The following ALPK2 variants were observed in gnomAD, a reference collection of about 807,000 sequenced individuals.
The protein encoded by ALPK2 is alpha-protein kinase 2.
Under a neutral mutation model 163.1 loss-of-function variants are expected in ALPK2, and 127 were observed. The ratio of observed to expected loss-of-function variants is 0.78; its 90% confidence interval spans 0.67 to 0.90. The LOEUF is 0.90. Among genes scored for constraint, ALPK2 ranks in the 40% least tolerant of loss-of-function variants. The probability of loss-of-function intolerance (pLI) is 0.00; values close to 1 mark genes in which losing one functional copy is unlikely to be tolerated. For missense variants in ALPK2, 2,360 were observed against 2,589.6 expected (o/e 0.91, Z 1.92); for synonymous variants, 953 against 959.1 (o/e 0.99, Z 0.12).
intron 1 of ALPK2, among the ~76,000 whole-genome samples, chr18:58,619,299 T>C (rs934274269): frequency 6.7e-6 from 1 of 150,042 alleles, no homozygotes; most frequent in African/African-American, 2.5e-5. Context: ...GCTAATGACT[T>C]GGAAGCTTCA....
At chr18:58,495,030 CTGCCCCA>C (rs72279315) in intron 12 of ALPK2, among the ~76,000 whole-genome samples, 26,225 of 151,550 alleles carry the variant, frequency 0.17, 2,648 homozygotes, top group East Asian at 0.32. Flanking sequence ...AGCAAGCAGG[CTGCCCCA>C]TGCCCCATGC....
chr18:58,524,098 C>G, intron 6 of ALPK2, 36 bp from the exon 7 acceptor site: 1 of 1,586,256 alleles, frequency 6.3e-7, no homozygotes, highest in South Asian at 1.1e-5. Context: ...CACACTTCAT[C>G]ATTCTACAGT....
chr18:58,552,111 C>T lies in ALPK2; in HGVS notation c.1963-13887G>A, dbSNP rs763555262. Among the ~76,000 whole-genome samples, 12 of 152,176 alleles carry T rather than the reference C, an allele frequency of 7.9e-5. 1 individual carries two copies. In the Middle Eastern group the frequency reaches 0.01, roughly 129 times the overall value. On this transcript the variant is annotated intron_variant, in intron 4 of 12. Transcript: ENST00000361673. The stretch of plus-strand genomic sequence containing the variant: ...CACTTTAAAAAAAAATGCCCCAAAT[C>T]GCAAGGCAGTATCAAAATACCTGTG...
At chr18:58,500,952 T>C (rs2051428780) in intron 11 of ALPK2, among the ~76,000 whole-genome samples, 1 of 152,120 alleles carries the variant, frequency 6.6e-6, no homozygotes, top group Non-Finnish European at 1.5e-5. Flanking sequence ...AATGAGCAAA[T>C]GCAGCCAGGA....
intron 1 of ALPK2, among the ~76,000 whole-genome samples, chr18:58,624,761 A>G (rs2052220672): frequency 6.6e-6 from 1 of 152,150 alleles, no homozygotes; most frequent in African/African-American, 2.4e-5. Flanking sequence ...AGCCAAGTTG[A>G]TTTCTTTGTT....
intron 10 of ALPK2, among the ~76,000 whole-genome samples, chr18:58,505,337 C>T (rs1202967289): frequency 6.6e-6 from 1 of 152,064 alleles, no homozygotes; most frequent in East Asian, 1.9e-4. Context: ...CCAACCGCAC[C>T]CTCAGCTTCC....
chr18:58,578,738 A>ACACACGCGCGCAGGCGCGCG, intron 4 of ALPK2, 76 bp downstream of exon 4: 1 of 936,582 alleles, frequency 1.1e-6, no homozygotes, highest in Non-Finnish European at 1.6e-6. Context: ...GAAGAGACAC[A>ACACACGCGCGCAGGCGCGCG]CACACACACA....
chr18:58,524,951 CAAAA>C (rs377122433), intron 6 of ALPK2, among the ~76,000 whole-genome samples: 17 of 106,070 alleles, frequency 1.6e-4, no homozygotes, highest in East Asian at 2.7e-4. Flanking sequence ...TACTCTACAG[CAAAA>C]AAAAAAAAAA....
At chr18:58,571,492 G>T (rs761552640) in intron 4 of ALPK2, among the ~76,000 whole-genome samples, 10 of 147,514 alleles carry the variant, frequency 6.8e-5, no homozygotes, top group Non-Finnish European at 1.5e-4. Flanking sequence ...AACTCAAAAT[G>T]GATCATTGGC....
chr18:58,611,945 G>A, intron 1 of ALPK2, 128 bp from the exon 2 acceptor site: 1 of 596,826 alleles, frequency 1.7e-6, no homozygotes, highest in Non-Finnish European at 2.9e-6. Context: ...GCAGACTGAA[G>A]GTCTTTGGGC....
chr18:58,528,757 TGA>T (rs1366501978), intron 6 of ALPK2: 1 of 293,528 alleles, frequency 3.4e-6, no homozygotes, highest in Non-Finnish European at 6.5e-6. Context: ...GACATACAGA[TGA>T]GAGCTCTTTA....
chr18:58,606,433 A>G (rs2052097971), intron 3 of ALPK2, among the ~76,000 whole-genome samples: 1 of 152,194 alleles, frequency 6.6e-6, no homozygotes, highest in Non-Finnish European at 1.5e-5. Flanking sequence ...TTTTGTGTTT[A>G]TGAACAACTC....
intron 6 of ALPK2, among the ~76,000 whole-genome samples, chr18:58,525,867 T>C (rs531120321): frequency 9.9e-4 from 149 of 150,502 alleles, no homozygotes; most frequent in African/African-American, 2.9e-3. Flanking sequence ...GTGTGCTTTC[T>C]CCATGATACA....
rs367668602 is a variant in ALPK2 at position 58,516,298 on chromosome 18, C to T, written c.5940+610G>A. On this transcript the variant is annotated intron_variant, in intron 9 of 12. Transcript: ENST00000361673. ...TAGGAGGAGGAAGGAGCGAGAGAAG[C>T]TAAGGCTCTCCTGCCCTATCCTCTC... Among the ~76,000 whole-genome samples, 4 of 151,948 alleles carry T rather than the reference C, an allele frequency of 2.6e-5. No homozygotes were observed. The South Asian group carries it at 8.3e-4, about 32-fold the overall frequency.
intron 8 of ALPK2, among the ~76,000 whole-genome samples, chr18:58,521,377 C>G (rs530428233): frequency 6.6e-6 from 1 of 152,176 alleles, no homozygotes; most frequent in Non-Finnish European, 1.5e-5. Flanking sequence ...GAAACAGAGA[C>G]TCCCTTCTGA....
At chr18:58,591,748 C>T (rs2052015963) in intron 3 of ALPK2, among the ~76,000 whole-genome samples, 1 of 152,160 alleles carries the variant, frequency 6.6e-6, no homozygotes, top group South Asian at 2.1e-4. Context: ...TAATTTGGAA[C>T]TTGGGGAAGT....
chr18:58,593,303 C>A (rs142869328), intron 3 of ALPK2, among the ~76,000 whole-genome samples: 1 of 152,212 alleles, frequency 6.6e-6, no homozygotes, highest in African/African-American at 2.4e-5. Flanking sequence ...CAGGGGCTCA[C>A]GCCTGTAGTC....
At chr18:58,532,475 C>G (rs942191060) in intron 5 of ALPK2, among the ~76,000 whole-genome samples, 8 of 152,162 alleles carry the variant, frequency 5.3e-5, no homozygotes, top group South Asian at 2.1e-4. Flanking sequence ...TGAACCTCCC[C>G]CTCCTGCTCC....
chr18:58,516,606 A>T (rs1341488837), intron 9 of ALPK2, among the ~76,000 whole-genome samples: 1 of 152,180 alleles, frequency 6.6e-6, no homozygotes, highest in East Asian at 1.9e-4. Context: ...CCTAGGTCCA[A>T]GTAGACTCAA....
Sources: allele counts gnomAD v4.1 joint callset (sites outside exome capture counted in the v4.1 genomes callset), GRCh38; gene constraint gnomAD v4.1.1; transcripts MANE v1.5; gene names NCBI Gene and HGNC (gene_info 2026-07-23, HGNC 2026-07-21).